CCDC15: variants seen among roughly 807,000 people sequenced by gnomAD.
CCDC15 encodes coiled-coil domain containing 15.
A neutral mutation model predicts 114.5 loss-of-function variants in CCDC15; 105 were observed. The ratio of observed to expected loss-of-function variants is 0.92; its 90% confidence interval spans 0.78 to 1.08. The LOEUF is 1.08. Among genes scored for constraint, CCDC15 ranks in the 50% least tolerant of loss-of-function variants. The probability of loss-of-function intolerance (pLI) is 0.00; values close to 1 mark genes in which losing one functional copy is unlikely to be tolerated. For synonymous variants in CCDC15, 334 were observed against 377.8 expected, an observed-to-expected ratio of 0.88 and a Z score of 1.34; for missense variants, 1,105 against 1,093.6, an observed-to-expected ratio of 1.01 and a Z score of -0.15.
chr11:125,026,417 T>C (rs1948702812), intron 13 of CCDC15, among the ~76,000 whole-genome samples: 1 of 152,218 alleles, frequency 6.6e-6, no homozygotes, highest in Non-Finnish European at 1.5e-5. Flanking sequence ...ATGTGGCTTC[T>C]GTTGGGGAAT....
At chr11:124,999,758 C>G (rs1314983611) in intron 11 of CCDC15, among the ~76,000 whole-genome samples, 1 of 151,770 alleles carries the variant, frequency 6.6e-6, no homozygotes, top group Non-Finnish European at 1.5e-5. Context: ...TCCGGGTCAC[C>G]CTGGAGTTGG....
chr11:124,970,671 T>C (rs1441659281), intron 4 of CCDC15, among the ~76,000 whole-genome samples: 1 of 152,214 alleles, frequency 6.6e-6, no homozygotes, highest in African/African-American at 2.4e-5. Context: ...ACTAATTGTT[T>C]TGTTTATACA....
At chr11:124,996,010 A>G (rs544267590) in intron 11 of CCDC15, among the ~76,000 whole-genome samples, 1 of 151,754 alleles carries the variant, frequency 6.6e-6, no homozygotes, top group Non-Finnish European at 1.5e-5. Context: ...TTGTATTTTT[A>G]GTAGAGATGG....
chr11:124,972,022 G>A (rs1053385538), intron 4 of CCDC15, among the ~76,000 whole-genome samples: 3 of 152,052 alleles, frequency 2.0e-5, no homozygotes, highest in Non-Finnish European at 4.4e-5. Flanking sequence ...ATGTTGTTAT[G>A]ACTATATAAA....
At chr11:125,027,590 G>GT (rs372048179) in intron 13 of CCDC15, among the ~76,000 whole-genome samples, 68 of 144,454 alleles carry the variant, frequency 4.7e-4, no homozygotes, top group South Asian at 8.8e-4. Context: ...GGGATTATTT[G>GT]TTTTTTTTTT....
At chr11:124,959,366 C>A in intron 3 of CCDC15, 102 bp downstream of exon 3, 4 of 971,146 alleles carry the variant, frequency 4.1e-6, no homozygotes, top group South Asian at 1.8e-5. Context: ...TGATTACATG[C>A]CTAATATAAT....
At chr11:124,993,475 T>C (rs1043219601) in intron 11 of CCDC15, among the ~76,000 whole-genome samples, 2 of 152,212 alleles carry the variant, frequency 1.3e-5, no homozygotes, top group Admixed American at 6.5e-5. Flanking sequence ...CTCAGTCTTC[T>C]TGACTGAAGC....
At chr11:124,971,701 G>A (rs182403433) in intron 4 of CCDC15, among the ~76,000 whole-genome samples, 1 of 152,106 alleles carries the variant, frequency 6.6e-6, no homozygotes, top group Admixed American at 6.5e-5. Context: ...AACAAGTAAA[G>A]TAAATAGTTG....
intron 13 of CCDC15, among the ~76,000 whole-genome samples, chr11:125,031,765 A>C (rs1948740819): frequency 6.6e-6 from 1 of 152,198 alleles, no homozygotes; most frequent in African/African-American, 2.4e-5. Context: ...ATATGACCCA[A>C]GTGGCAGAGC....
intron 14 of CCDC15, 40 bp from the exon 15 acceptor site, chr11:125,038,877 CTTTT>C (rs751523600): frequency 1.3e-6 from 2 of 1,580,208 alleles, no homozygotes; most frequent in Non-Finnish European, 1.7e-6. Flanking sequence ...TACTCACTTT[CTTTT>C]TAATAGTTCA....
At chr11:124,977,655 C>T (rs1947996857) in intron 6 of CCDC15, 55 bp downstream of exon 6, 4 of 1,536,932 alleles carry the variant, frequency 2.6e-6, no homozygotes, top group East Asian at 2.3e-5. Flanking sequence ...GAAGTATCCA[C>T]AGCTAACTAA....
chr11:125,005,106 T>G lies in CCDC15; in HGVS notation c.2308-3T>G. 1 of 1,383,464 alleles carries G rather than the reference T, an allele frequency of 7.2e-7. No individual in the cohort carries two copies. Among genetic ancestry groups the G allele is most frequent in the Non-Finnish European group, 9.9e-7 (1 of 1,011,314 alleles). 85.7% of individuals were successfully genotyped at this position (1,383,464 alleles called of 1,614,324 possible). A position where few individuals can be genotyped will look rare whatever the true frequency, so the allele number is the denominator to read the frequency against. On this transcript the variant is annotated splice_polypyrimidine_tract_variant and splice_region_variant and intron_variant, in intron 12 of 15. Transcript: ENST00000344762. Reference sequence around the variant, plus strand: ...CTTAGTAATTTTAACTTCTTACCTTTAGCGTCAAAAGCAGTACCTGAGACA... The same window carrying G: ...CTTAGTAATTTTAACTTCTTACCTTGAGCGTCAAAAGCAGTACCTGAGACA...
chr11:124,961,832 A>AT (rs1326522626), intron 4 of CCDC15, among the ~76,000 whole-genome samples: 1 of 151,760 alleles, frequency 6.6e-6, no homozygotes, highest in Non-Finnish European at 1.5e-5. Context: ...GGCCGAGATA[A>AT]TTTTTTCTTA....
intron 13 of CCDC15, among the ~76,000 whole-genome samples, chr11:125,007,000 A>G (rs1169052622): frequency 2.0e-5 from 3 of 152,210 alleles, no homozygotes; most frequent in Non-Finnish European, 4.4e-5. Context: ...TTTTGATAAC[A>G]TGCAATGTAT....
rs1355734447 is a variant in CCDC15, at chr11:125,041,453, G to A, written c.*742G>A. On this transcript the variant is annotated 3_prime_UTR_variant, in exon 16 of 16. Transcript: ENST00000344762. ...AAACCTGGTATATGACATGGCTACA[G>A]GGCAAATGAAATAAAAATTGCCATA... 1 of 151,810 alleles carries A rather than the reference G, an allele frequency of 6.6e-6. No homozygotes were observed. Among genetic ancestry groups the A allele is most frequent in the Non-Finnish European group, 1.5e-5 (1 of 67,944 alleles). 9.4% of individuals were successfully genotyped at this position (151,810 alleles called of 1,614,324 possible).
At chr11:124,966,652 A>T (rs1158110737) in intron 4 of CCDC15, among the ~76,000 whole-genome samples, 2 of 152,120 alleles carry the variant, frequency 1.3e-5, no homozygotes, top group African/African-American at 2.4e-5. Context: ...TTTAAGGTTA[A>T]TATTGTTATG....
chr11:124,995,245 C>A (rs1357371303), intron 11 of CCDC15, among the ~76,000 whole-genome samples: 1 of 152,122 alleles, frequency 6.6e-6, no homozygotes, highest in Non-Finnish European at 1.5e-5. Flanking sequence ...ATGTCACCTC[C>A]TTGGAAAAGG....
At chr11:125,035,274 A>G (rs1172412187) in intron 13 of CCDC15, among the ~76,000 whole-genome samples, 3 of 152,140 alleles carry the variant, frequency 2.0e-5, no homozygotes, top group African/African-American at 7.2e-5. Context: ...AACAGTCAGG[A>G]ATAATACTTT....
chr11:125,031,251 A>G (rs1312184106), intron 13 of CCDC15, among the ~76,000 whole-genome samples: 1 of 152,254 alleles, frequency 6.6e-6, no homozygotes, highest in East Asian at 1.9e-4. Context: ...CATATCGTGC[A>G]GAACCATCTG....
Sources: gnomAD v4.1 joint callset for allele counts (sites outside exome capture counted in the v4.1 genomes callset) on GRCh38, gnomAD v4.1.1 for gene constraint, MANE v1.5 for transcripts, NCBI Gene and HGNC (gene_info 2026-07-23, HGNC 2026-07-21) for gene names.